LMO4: variants seen among roughly 807,000 people sequenced by gnomAD.
LMO4 encodes the protein LIM domain only 4, also known as LIM domain transcription factor LMO4.
A neutral mutation model predicts 18.5 loss-of-function variants in LMO4; 3 were observed. The ratio of observed to expected loss-of-function variants is 0.16; its 90% confidence interval spans 0.07 to 0.42. LMO4 has a LOEUF of 0.42. Among genes scored for constraint, LMO4 ranks in the 10% least tolerant of loss-of-function variants. The pLI is 0.99. For synonymous variants in LMO4, 100 were observed against 88.1 expected, an observed-to-expected ratio of 1.14 and a Z score of -0.76; for missense variants, 121 against 219.9, an observed-to-expected ratio of 0.55 and a Z score of 2.84.
At chr1:87,339,703 AT>A (rs1650418589) in intron 3 of LMO4, 71 bp downstream of exon 3, 1 of 955,582 alleles carries the variant, frequency 1.0e-6, no homozygotes, top group African/African-American at 1.6e-5. Flanking sequence ...GGGGCAAAGC[AT>A]TTCTCCTTGG....
rs1005738712 is a variant in LMO4, at chr1:87,348,668, T to C, written c.*3872T>C. The stretch of plus-strand genomic sequence containing the variant: ...GAGAGCAATGACAAGTCAGGGCTGA[T>C]TTTTGGAAGGTGAACTTGCAACTTA... On this transcript the variant is annotated 3_prime_UTR_variant, in exon 5 of 5. Coordinates refer to ENST00000370544, the MANE Select transcript of LMO4 (RefSeq NM_006769.4). The C allele has an allele frequency of 6.2e-6, 3 of 485,046 alleles. No homozygotes were observed. Among genetic ancestry groups the C allele is most frequent in the African/African-American group, 3.9e-5 (2 of 51,376 alleles). The allele number at this position is 485,046 out of a possible 1,614,324, so 30.0% of individuals were successfully genotyped here. A position where few individuals can be genotyped will look rare whatever the true frequency, so the allele number is the denominator to read the frequency against.
chr1:87,336,057 CTCTTAAGTA>C (rs2100778036), intron 2 of LMO4, among the ~76,000 whole-genome samples: 1 of 117,150 alleles, frequency 8.5e-6, no homozygotes, highest in South Asian at 2.6e-4. Flanking sequence ...CACAGCCCCC[CTCTTAAGTA>C]TCAATAGCTT....
intron 2 of LMO4, among the ~76,000 whole-genome samples, chr1:87,339,102 G>A (rs1483769365): frequency 6.6e-6 from 1 of 152,162 alleles, no homozygotes; most frequent in East Asian, 1.9e-4. Flanking sequence ...TGTCTTCTTA[G>A]ATATACAATC....
intron 4 of LMO4, among the ~76,000 whole-genome samples, chr1:87,343,317 T>C (rs1650546128): frequency 6.6e-6 from 1 of 152,218 alleles, no homozygotes; most frequent in Non-Finnish European, 1.5e-5. Flanking sequence ...GCATTTCAGA[T>C]GGACTGAAAT....
At chr1:87,330,215 A>T (rs1484410254) in intron 1 of LMO4, among the ~76,000 whole-genome samples, 1 of 151,888 alleles carries the variant, frequency 6.6e-6, no homozygotes, top group South Asian at 2.1e-4. Context: ...AAAAATACAT[A>T]TATATTTACC....
At chr1:87,330,788 T>A (rs1570647948) in intron 1 of LMO4, among the ~76,000 whole-genome samples, 1 of 152,198 alleles carries the variant, frequency 6.6e-6, no homozygotes, top group Non-Finnish European at 1.5e-5. Context: ...ACAGGCTGCT[T>A]AATTGGCAGT....
At position 87,343,657 on chromosome 1, in the gene LMO4, T is replaced by C. The variant is rs147986862; in HGVS notation, c.490-1131T>C. 2.4e-3 allele frequency among the ~76,000 whole-genome samples: 369 copies of C among 152,350 alleles called. 6 individuals carry two copies. Among genetic ancestry groups the C allele is most frequent in the African/African-American group, 8.6e-3 (356 of 41,578 alleles). ...CCATAGTTACATAATTGGTGTTGTG[T>C]GTGTCCATCGTAGAAGACATTTGAT... is the stretch of plus-strand genomic sequence containing the variant. On this transcript the variant is annotated intron_variant, in intron 4 of 4. Transcript: ENST00000370544.
At position 87,332,151 on chromosome 1, in the gene LMO4, C is replaced by G. The variant is rs1417998127; in HGVS notation, c.136C>G (p.Arg46Gly). ...LYAMDSYWHS[R>G]CLKCSCCQAQ... ...TGCCATGGACAGCTATTGGCACAGCCGGTGCCTCAAGTGCTCCTGCTGCCA... is the reference window on the plus strand; with the variant it reads ...TGCCATGGACAGCTATTGGCACAGCGGGTGCCTCAAGTGCTCCTGCTGCCA... Residue 46 changes from arginine (R) to glycine (G), a missense_variant, in exon 2 of 5, where the codon CGG becomes GGG. By Grantham distance (125) the Arg-to-Gly change is moderately radical. This residue lies in a region of LMO4 where 8 missense variants were observed against 18.1 expected (regional missense o/e 0.44). Coordinates refer to ENST00000370544, the MANE Select transcript of LMO4 (RefSeq NM_006769.4). 1 of 1,614,226 alleles carries G rather than the reference C, an allele frequency of 6.2e-7. No individual in the cohort carries two copies. Among genetic ancestry groups the G allele is most frequent in the Non-Finnish European group, 8.5e-7 (1 of 1,180,038 alleles).
At chr1:87,341,893 TGCAGG>T (rs1299741879) in intron 4 of LMO4, among the ~76,000 whole-genome samples, 2 of 152,250 alleles carry the variant, frequency 1.3e-5, no homozygotes, top group Non-Finnish European at 2.9e-5. Context: ...GAAGTGAATC[TGCAGG>T]GCAGAGTTGA....
chr1:87,348,513 G>C lies in LMO4; in HGVS notation c.*3717G>C, dbSNP rs1313291748. ...TAGATTGGCAGTGCTCTGAACGCAT[G>C]TTAAACAGCCAGCTACTCCCACTTG... On this transcript the variant is annotated 3_prime_UTR_variant, in exon 5 of 5. Coordinates refer to ENST00000370544, the MANE Select transcript of LMO4 (RefSeq NM_006769.4). 1 of 355,772 alleles carries C rather than the reference G, an allele frequency of 2.8e-6. No individual in the cohort carries two copies. Among genetic ancestry groups the C allele is most frequent in the Non-Finnish European group, 5.7e-6 (1 of 176,514 alleles). 22.0% of individuals were successfully genotyped at this position (355,772 alleles called of 1,614,324 possible).
chr1:87,339,927 G>A (rs371405220), intron 3 of LMO4, 120 bp from the exon 4 acceptor site: 6 of 1,152,250 alleles, frequency 5.2e-6, no homozygotes, highest in African/African-American at 4.6e-5. Context: ...AAGAAAAAAC[G>A]CTAAACCCTA....
chr1:87,339,636 G>A lies in LMO4; in HGVS notation c.333+4G>A. 1.9e-6 allele frequency: 3 copies of A among 1,578,836 alleles called. No individual in the cohort carries two copies. Among genetic ancestry groups the A allele is most frequent in the Non-Finnish European group, 1.7e-6 (2 of 1,150,160 alleles). On this transcript the variant is annotated splice_donor_region_variant and intron_variant, in intron 3 of 4. Coordinates refer to ENST00000370544, the MANE Select transcript of LMO4 (RefSeq NM_006769.4). ...AGGCAATGTGTATCATCTTAAGGTA[G>A]TATTTGCATCTCTCTTTTTTTTTTA...
intron 2 of LMO4, among the ~76,000 whole-genome samples, 200 bp downstream of exon 2, chr1:87,332,451 G>A (rs1650184419): frequency 6.6e-6 from 1 of 152,238 alleles, no homozygotes; most frequent in African/African-American, 2.4e-5. Flanking sequence ...CATGGCAAAT[G>A]CCATACTAAG....
At chr1:87,339,999 A>G in intron 3 of LMO4, 48 bp from the exon 4 acceptor site, 1 of 1,594,792 alleles carries the variant, frequency 6.3e-7, no homozygotes, top group Non-Finnish European at 8.6e-7. Context: ...GACCAAAAAA[A>G]GACTTAATTT....
At chr1:87,332,279 T>G in intron 2 of LMO4, 28 bp downstream of exon 2, 6 of 1,565,358 alleles carry the variant, frequency 3.8e-6, no homozygotes, top group Non-Finnish European at 5.3e-6. Context: ...TTCCTGGAGA[T>G]GGGGGGAAGA....
chr1:87,346,575 G>A lies in LMO4; in HGVS notation c.*1779G>A, dbSNP rs1051781146. 1.1e-4 allele frequency: 17 copies of A among 152,280 alleles called. No individual in the cohort carries two copies. The highest frequency in any genetic ancestry group is 3.6e-4 in the African/African-American group (15 of 41,560). The allele number at this position is 152,280 out of a possible 1,614,324, so 9.4% of individuals were successfully genotyped here. On this transcript the variant is annotated 3_prime_UTR_variant, in exon 5 of 5. Coordinates refer to ENST00000370544, the MANE Select transcript of LMO4 (RefSeq NM_006769.4). ...CCGTGGAGCCATGTAGAGAGGTGTA[G>A]CTCAGCACATCTCAACTACCAGTCA...
At chr1:87,339,990 A>C (rs1204191374) in intron 3 of LMO4, 57 bp from the exon 4 acceptor site, 1 of 1,572,016 alleles carries the variant, frequency 6.4e-7, no homozygotes, top group Non-Finnish European at 8.7e-7. Context: ...TAAACTTGTG[A>C]CCAAAAAAAG....
At chr1:87,339,830 A>C (rs1458938377) in intron 3 of LMO4, among the ~76,000 whole-genome samples, 198 bp downstream of exon 3, 6 of 152,162 alleles carry the variant, frequency 3.9e-5, no homozygotes, top group Non-Finnish European at 2.9e-5. Context: ...CACAGACAGA[A>C]GTACACATGT....
Position 87,344,918 on chromosome 1 carries a change from T to C in LMO4, c.*122T>C, listed in dbSNP as rs1017092162. ...AGCACCAGTGCCAGCTCCATGCCAT[T>C]GCACCTTCTTTAGTCTTGATTGCCC... On this transcript the variant is annotated 3_prime_UTR_variant, in exon 5 of 5. Coordinates refer to ENST00000370544, the MANE Select transcript of LMO4 (RefSeq NM_006769.4). 2.2e-6 allele frequency: 2 copies of C among 903,088 alleles called. No individual in the cohort carries two copies. The highest frequency in any genetic ancestry group is 3.9e-5 in the Admixed American group (2 of 51,070). 55.9% of individuals were successfully genotyped at this position (903,088 alleles called of 1,614,324 possible).
Sources: allele counts gnomAD v4.1 joint callset (sites outside exome capture counted in the v4.1 genomes callset), GRCh38; gene constraint gnomAD v4.1.1; regional missense constraint gnomAD v4.1.1; transcripts MANE v1.5; gene names NCBI Gene and HGNC (gene_info 2026-07-23, HGNC 2026-07-21).